The following PALM2AKAP2 variants were observed in gnomAD, a reference collection of about 807,000 sequenced individuals.
PALM2AKAP2 encodes PALM2-AKAP2 fusion protein.
In PALM2AKAP2, 37 loss-of-function variants were observed where a neutral mutation model predicts 71.5. The ratio of observed to expected loss-of-function variants is 0.52; its 90% CI spans 0.40 to 0.68. The LOEUF (loss-of-function observed/expected upper bound fraction) is 0.68, where lower values mean the gene tolerates loss of function less well. Ranked by LOEUF, PALM2AKAP2 falls within the 30% of genes least tolerant of loss-of-function variation. The pLI, the probability that PALM2AKAP2 is intolerant of heterozygous loss-of-function variation, is 0.00. For missense variants in PALM2AKAP2, 1,224 were observed against 1,191.8 expected, an observed-to-expected ratio of 1.03 and a Z score of -0.40; for synonymous variants, 468 against 478.8, an observed-to-expected ratio of 0.98 and a Z score of 0.29.
chr9:109,975,665 T>C (rs1034549389), intron 6 of PALM2AKAP2, among the ~76,000 whole-genome samples: 11 of 152,204 alleles, frequency 7.2e-5, no homozygotes, highest in African/African-American at 2.7e-4. Context: ...GTCGACTTGC[T>C]TTAAAAATAG....
Position 109,795,521 on chromosome 9 carries a change from G to A in PALM2AKAP2, c.45+14988G>A, listed in dbSNP as rs536089891. ...AATGGTAAATCCTTAAGCTTGGGAT[G>A]GCAGATGGTTTTCAGCTCCTATGTG... On this transcript the variant is annotated intron_variant, in intron 1 of 9. Transcript: ENST00000302798. 5.3e-5 allele frequency among the ~76,000 whole-genome samples: 8 copies of A among 152,308 alleles called. No homozygotes were observed. The East Asian group carries it at 1.5e-3, about 29-fold the overall frequency.
chr9:109,852,750 A>C (rs1008225287), intron 1 of PALM2AKAP2, among the ~76,000 whole-genome samples: 2 of 152,136 alleles, frequency 1.3e-5, no homozygotes, highest in Admixed American at 6.5e-5. Context: ...TTGGTATCTC[A>C]TTGTGGTTTT....
chr9:109,672,193 G>A (rs932844562), intron 1 of PALM2AKAP2, among the ~76,000 whole-genome samples: 12 of 152,100 alleles, frequency 7.9e-5, no homozygotes, highest in African/African-American at 2.9e-4. Flanking sequence ...TTTTCAAGGG[G>A]AATGCTTCCA....
chr9:110,019,482 A>G (rs981912553), intron 7 of PALM2AKAP2, among the ~76,000 whole-genome samples: 4 of 152,200 alleles, frequency 2.6e-5, no homozygotes, highest in Admixed American at 6.5e-5. Context: ...CGTCTTATCA[A>G]AAAGACACTC....
rs374551791 is a variant in PALM2AKAP2 at position 109,766,412 on chromosome 9, G to A, written c.6-14076G>A. On this transcript the variant is annotated intron_variant, in intron 1 of 6. Transcript: ENST00000374531. Reference sequence around the variant, plus strand: ...AAGGGAGGGGTAGAAGATTAAAATGGGAATGACTGACAGGCATAGGCTATT... The same window carrying A: ...AAGGGAGGGGTAGAAGATTAAAATGAGAATGACTGACAGGCATAGGCTATT... Among the ~76,000 whole-genome samples, 5 of 152,296 alleles carry A rather than the reference G, an allele frequency of 3.3e-5. No homozygotes were observed. The East Asian group carries it at 5.8e-4, about 18-fold the overall frequency.
intron 1 of PALM2AKAP2, among the ~76,000 whole-genome samples, chr9:109,665,633 G>A (rs1827470615): frequency 6.6e-6 from 1 of 152,212 alleles, no homozygotes; most frequent in African/African-American, 2.4e-5. Context: ...TCCCAGTTAG[G>A]CTACGTGGCG....
intron 2 of PALM2AKAP2, 125 bp from the exon 9 acceptor site, chr9:110,156,194 T>G: frequency 7.4e-7 from 1 of 1,349,342 alleles, no homozygotes; most frequent in Non-Finnish European, 9.8e-7. Context: ...TGGCCTACAC[T>G]TAACCATCAT....
intron 6 of PALM2AKAP2, among the ~76,000 whole-genome samples, chr9:110,013,489 C>T (rs764918470): frequency 4.6e-5 from 7 of 152,306 alleles, no homozygotes; most frequent in Middle Eastern, 3.4e-3. Flanking sequence ...AGGAAATAAT[C>T]TATTCATGTA....
At chr9:109,813,782 C>T (rs1387216460) in intron 1 of PALM2AKAP2, among the ~76,000 whole-genome samples, 1 of 152,154 alleles carries the variant, frequency 6.6e-6, no homozygotes, top group African/African-American at 2.4e-5. Context: ...CTGGACTTTT[C>T]AAGAAGCCGA....
chr9:109,655,976 G>A (rs916487887), intron 1 of PALM2AKAP2, among the ~76,000 whole-genome samples: 3 of 152,136 alleles, frequency 2.0e-5, no homozygotes, highest in African/African-American at 7.2e-5. Flanking sequence ...CCTATTATGA[G>A]CCAGTACAGT....
At chr9:109,918,131 A>G (rs1447107991) in intron 3 of PALM2AKAP2, among the ~76,000 whole-genome samples, 2 of 152,242 alleles carry the variant, frequency 1.3e-5, no homozygotes, top group African/African-American at 4.8e-5. Context: ...TACTTGACCA[A>G]GAAGTCTCAT....
chr9:109,891,904 C>T (rs1450814205), intron 3 of PALM2AKAP2, among the ~76,000 whole-genome samples: 1 of 152,162 alleles, frequency 6.6e-6, no homozygotes, highest in Non-Finnish European at 1.5e-5. Flanking sequence ...GTAAAACTCC[C>T]TGGATGGAGG....
chr9:109,870,893 G>C (rs1829587281), intron 2 of PALM2AKAP2, among the ~76,000 whole-genome samples: 1 of 152,030 alleles, frequency 6.6e-6, no homozygotes, highest in Admixed American at 6.5e-5. Context: ...ATCAATATTT[G>C]TTTCACTAAT....
At chr9:109,989,936 C>T (rs1027830757) in intron 6 of PALM2AKAP2, among the ~76,000 whole-genome samples, 1 of 152,214 alleles carries the variant, frequency 6.6e-6, no homozygotes. Flanking sequence ...TCTAAACACA[C>T]ACCAAAAGGG....
intron 1 of PALM2AKAP2, among the ~76,000 whole-genome samples, chr9:110,077,821 C>T (rs922447486): frequency 1.3e-5 from 2 of 152,108 alleles, no homozygotes; most frequent in African/African-American, 4.8e-5. Context: ...CGAGACCAGC[C>T]TGACCAACAT....
In PALM2AKAP2 at chr9:110,163,706, G is replaced by A. The variant is rs573401123; in HGVS notation, c.2749-4693G>A. 2.0e-5 allele frequency among the ~76,000 whole-genome samples: 3 copies of A among 152,294 alleles called. No homozygotes were observed. The South Asian group carries it at 6.2e-4, about 32-fold the overall frequency. On this transcript the variant is annotated intron_variant, in intron 3 of 3. Transcript: ENST00000374525. ...TTGAGATGTGTCCTTGTTGATCACT[G>A]TGGCTCTGGTTCATTCTTTATAACT...
chr9:110,133,984 G>C (rs1835790761), intron 1 of PALM2AKAP2, among the ~76,000 whole-genome samples: 1 of 152,176 alleles, frequency 6.6e-6, no homozygotes, highest in Non-Finnish European at 1.5e-5. Flanking sequence ...AAAAAGTTTA[G>C]TTAATAGTTT....
intron 1 of PALM2AKAP2, among the ~76,000 whole-genome samples, chr9:109,751,281 G>A (rs1334907276): frequency 6.6e-6 from 1 of 152,126 alleles, no homozygotes; most frequent in African/African-American, 2.4e-5. Context: ...ATTCAAATGT[G>A]CATTCGTTCT....
chr9:109,732,858 T>C (rs901138974), intron 1 of PALM2AKAP2, among the ~76,000 whole-genome samples: 13 of 152,150 alleles, frequency 8.5e-5, no homozygotes, highest in African/African-American at 3.1e-4. Flanking sequence ...AAATTCAGTG[T>C]TGAAGAGTGT....
Sources: allele counts gnomAD v4.1 joint callset (sites outside exome capture counted in the v4.1 genomes callset), GRCh38; gene constraint gnomAD v4.1.1; transcripts MANE v1.5; gene names NCBI Gene and HGNC (gene_info 2026-07-23, HGNC 2026-07-21).